SNAP91: variants seen among roughly 807,000 people sequenced by gnomAD.
The protein encoded by SNAP91 is clathrin coat assembly protein AP180.
SNAP91 carries 27 observed loss-of-function variants against 100.3 expected under a neutral mutation model. That is an observed-to-expected ratio of 0.27 (90% CI 0.20 to 0.37). The LOEUF (loss-of-function observed/expected upper bound fraction) is 0.37, where lower values mean the gene tolerates loss of function less well. Among genes scored for constraint, SNAP91 ranks in the 10% least tolerant of loss-of-function variants. The probability of loss-of-function intolerance (pLI) is 1.00; values close to 1 mark genes in which losing one functional copy is unlikely to be tolerated. For synonymous variants in SNAP91, 404 were observed against 398.6 expected, an observed-to-expected ratio of 1.01 and a Z score of -0.16; for missense variants, 986 against 1,123.7, an observed-to-expected ratio of 0.88 and a Z score of 1.75.
chr6:83,659,154 G>A, intron 5 of SNAP91, 62 bp from the exon 6 acceptor site: 4 of 1,283,434 alleles, frequency 3.1e-6, no homozygotes, highest in Non-Finnish European at 4.3e-6. Context: ...AAGACCATAT[G>A]AATTGTTCTA....
chr6:83,565,903 T>G (rs1795892732), intron 26 of SNAP91, among the ~76,000 whole-genome samples: 1 of 152,168 alleles, frequency 6.6e-6, no homozygotes, highest in South Asian at 2.1e-4. Flanking sequence ...CGCTTGGCAG[T>G]TCCTCAAAAG....
chr6:83,704,755 A>C (rs2099357815), intron 2 of SNAP91, among the ~76,000 whole-genome samples: 1 of 152,134 alleles, frequency 6.6e-6, no homozygotes. Flanking sequence ...TCCAAACTAA[A>C]AAGTTATATA....
chr6:83,567,241 A>G (rs966153322), intron 26 of SNAP91, among the ~76,000 whole-genome samples: 1 of 152,190 alleles, frequency 6.6e-6, no homozygotes, highest in Admixed American at 6.5e-5. Flanking sequence ...ACTTTGTTAA[A>G]TTTATTTTGT....
At chr6:83,587,814 T>C (rs756422476) in intron 22 of SNAP91, among the ~76,000 whole-genome samples, 11 of 152,194 alleles carry the variant, frequency 7.2e-5, no homozygotes, top group Admixed American at 1.3e-4. Context: ...GTTCACAGGA[T>C]AGAATTATAT....
chr6:83,570,276 T>A (rs1199387638), intron 26 of SNAP91, among the ~76,000 whole-genome samples: 1 of 152,200 alleles, frequency 6.6e-6, no homozygotes, highest in Non-Finnish European at 1.5e-5. Flanking sequence ...AATAAATTTC[T>A]AAGCTGCTAA....
At chr6:83,659,857 G>C (rs996866815) in intron 5 of SNAP91, among the ~76,000 whole-genome samples, 1 of 152,024 alleles carries the variant, frequency 6.6e-6, no homozygotes, top group Non-Finnish European at 1.5e-5. Flanking sequence ...ACCATCAAGG[G>C]AAGAAAAATG....
chr6:83,627,679 TG>T (rs2096999816), intron 8 of SNAP91, among the ~76,000 whole-genome samples: 1 of 151,994 alleles, frequency 6.6e-6, no homozygotes, highest in African/African-American at 2.4e-5. Flanking sequence ...TCTATTTTTG[TG>T]GGATCAATTG....
chr6:83,593,617 G>A lies in SNAP91; in HGVS notation c.1557C>T (p.Pro519=), dbSNP rs370823782. 1.5e-5 allele frequency: 24 copies of A among 1,604,246 alleles called. No homozygotes were observed. Among genetic ancestry groups the A allele is most frequent in the African/African-American group, 5.4e-5 (4 of 74,682 alleles). ...CAGGAGCAGGAGAAGGAGCAGTTGC[G>A]GGAACTGGAGGGGCTGTGCTAGCTG... ...TPTASTAPPV[P]ATAPSPAPAV... Residue 519 remains proline (P), a synonymous_variant, in exon 18 of 30, where the codon CCC becomes CCT. Coordinates refer to ENST00000369694, the MANE Select transcript of SNAP91 (RefSeq NM_001242792.2).
chr6:83,566,315 T>C (rs1796503839), intron 26 of SNAP91, among the ~76,000 whole-genome samples: 1 of 152,216 alleles, frequency 6.6e-6, no homozygotes, highest in Non-Finnish European at 1.5e-5. Flanking sequence ...CATTGAATTG[T>C]ATACTTTAAG....
rs996203856 is a variant in SNAP91, at chr6:83,561,041, G to GTATT, written c.2443-98_2443-95dup. 386 of 836,300 alleles carry GTATT rather than the reference G, an allele frequency of 4.6e-4. 2 individuals carry two copies. Among genetic ancestry groups the GTATT allele is most frequent in the Non-Finnish European group, 3.9e-4 (219 of 555,046 alleles). 51.8% of individuals were successfully genotyped at this position (836,300 alleles called of 1,614,324 possible). On this transcript the variant is annotated intron_variant, in intron 26 of 29. Coordinates refer to ENST00000369694, the MANE Select transcript of SNAP91 (RefSeq NM_001242792.2). ...CAAACAAAAAGAACAATATAATTTG[G>GTATT]TATTTATTTATTTATTTTAAAGATG...
intron 29 of SNAP91, among the ~76,000 whole-genome samples, chr6:83,555,587 A>G (rs1041298562): frequency 5.3e-5 from 8 of 152,306 alleles, no homozygotes; most frequent in Admixed American, 6.5e-5. Context: ...TTTTTCCTTC[A>G]TTCGTTTCCT....
At chr6:83,659,130 G>T in intron 5 of SNAP91, 38 bp from the exon 6 acceptor site, 2 of 1,434,916 alleles carry the variant, frequency 1.4e-6, no homozygotes, top group Non-Finnish European at 1.9e-6. Flanking sequence ...AATTTCATTG[G>T]ATATGGACAA....
At chr6:83,697,258 T>C (rs1347515407) in intron 2 of SNAP91, among the ~76,000 whole-genome samples, 1 of 151,696 alleles carries the variant, frequency 6.6e-6, no homozygotes, top group Non-Finnish European at 1.5e-5. Flanking sequence ...TATGTAGTTA[T>C]AAATTATAAA....
chr6:83,572,983 A>C (rs1811088227), intron 26 of SNAP91, among the ~76,000 whole-genome samples: 1 of 152,204 alleles, frequency 6.6e-6, no homozygotes, highest in African/African-American at 2.4e-5. Flanking sequence ...TTCATACCTA[A>C]GAATGGAGGG....
chr6:83,687,962 T>C (rs985945773), intron 2 of SNAP91, among the ~76,000 whole-genome samples: 2 of 151,994 alleles, frequency 1.3e-5, no homozygotes, highest in African/African-American at 4.8e-5. Flanking sequence ...ATAAGATAGG[T>C]TGAGGGACGT....
chr6:83,573,041 A>C (rs536144591), intron 26 of SNAP91, among the ~76,000 whole-genome samples: 1 of 152,256 alleles, frequency 6.6e-6, no homozygotes, highest in East Asian at 1.9e-4. Flanking sequence ...TTTTTCTAAG[A>C]AAGTAGTGGG....
chr6:83,558,231 A>G (rs974330452), intron 28 of SNAP91, among the ~76,000 whole-genome samples: 4 of 152,198 alleles, frequency 2.6e-5, no homozygotes, highest in African/African-American at 2.4e-5. Flanking sequence ...CCAAGTGCAT[A>G]ATAACAGAAA....
At chr6:83,603,704 A>C (rs1202885414) in intron 14 of SNAP91, among the ~76,000 whole-genome samples, 4 of 152,186 alleles carry the variant, frequency 2.6e-5, no homozygotes, top group African/African-American at 9.6e-5. Context: ...CTCTTTCTCA[A>C]GGATAATGAG....
intron 2 of SNAP91, among the ~76,000 whole-genome samples, chr6:83,674,585 C>G (rs2098834454): frequency 6.6e-6 from 1 of 152,118 alleles, no homozygotes; most frequent in Non-Finnish European, 1.5e-5. Flanking sequence ...TATCTTCCAG[C>G]TCTAAGTTTC....
Sources: gnomAD v4.1 joint callset for allele counts (sites outside exome capture counted in the v4.1 genomes callset) on GRCh38, gnomAD v4.1.1 for gene constraint, MANE v1.5 for transcripts, NCBI Gene and HGNC (gene_info 2026-07-23, HGNC 2026-07-21) for gene names.